Variants in AFF4 observed in about 807,000 individuals in gnomAD.
AFF4 encodes AF4/FMR2 family member 4.
In AFF4, 13 loss-of-function variants were observed where a neutral mutation model predicts 124.8. That is an observed-to-expected ratio of 0.10 (90% CI 0.07 to 0.17). AFF4 has a LOEUF of 0.17. AFF4 is among the 10% of genes least tolerant of loss of function. The pLI is 1.00. For missense variants in AFF4, 1,092 were observed against 1,403.8 expected (o/e 0.78, Z 3.55); for synonymous variants, 477 against 496.1 (o/e 0.96, Z 0.51).
chr5:132,939,954 T>C (rs1242710513), intron 1 of AFF4, among the ~76,000 whole-genome samples: 2 of 152,056 alleles, frequency 1.3e-5, no homozygotes, highest in African/African-American at 2.4e-5. Flanking sequence ...TCCCAGCACT[T>C]TGAGAGGCCA....
intron 1 of AFF4, among the ~76,000 whole-genome samples, chr5:132,957,035 A>AC (rs1561515248): frequency 6.7e-6 from 1 of 149,620 alleles, no homozygotes; most frequent in Non-Finnish European, 1.5e-5. Flanking sequence ...AAAAAAAAAA[A>AC]AAAAAAAAAA....
At chr5:132,899,044 G>A in intron 9 of AFF4, 60 bp downstream of exon 9, 6 of 1,440,884 alleles carry the variant, frequency 4.2e-6, no homozygotes, top group Non-Finnish European at 5.8e-6. Flanking sequence ...TTATATCCCT[G>A]CAATGTTATC....
At chr5:132,936,044 G>A (rs919597163) in intron 2 of AFF4, among the ~76,000 whole-genome samples, 3 of 151,910 alleles carry the variant, frequency 2.0e-5, no homozygotes, top group Non-Finnish European at 4.4e-5. Flanking sequence ...GAGGCGGGCG[G>A]ATCATGAGGT....
chr5:132,906,474 CTT>C (rs1297383862), intron 5 of AFF4, among the ~76,000 whole-genome samples: 1 of 152,088 alleles, frequency 6.6e-6, no homozygotes, highest in Non-Finnish European at 1.5e-5. Flanking sequence ...TTAGATGAAT[CTT>C]AAAAACATAA....
chr5:132,925,789 G>A (rs1761156881), intron 5 of AFF4, among the ~76,000 whole-genome samples: 1 of 152,220 alleles, frequency 6.6e-6, no homozygotes, highest in Admixed American at 6.5e-5. Context: ...GGTAATACAA[G>A]TGGGAATACT....
At chr5:132,908,239 T>G (rs972408613) in intron 5 of AFF4, among the ~76,000 whole-genome samples, 5 of 152,100 alleles carry the variant, frequency 3.3e-5, no homozygotes, top group African/African-American at 1.2e-4. Context: ...TTCAAAAGCA[T>G]AACAAAAATT....
In AFF4 at chr5:132,886,410, A is replaced by G; in HGVS notation, c.3006-7T>C. 1 of 1,613,202 alleles carries G rather than the reference A, an allele frequency of 6.2e-7. No homozygotes were observed. The highest frequency in any genetic ancestry group is 1.1e-5 in the South Asian group (1 of 90,980). On this transcript the variant is annotated splice_region_variant and splice_polypyrimidine_tract_variant and intron_variant, in intron 17 of 20. Coordinates refer to ENST00000265343, the MANE Select transcript of AFF4 (RefSeq NM_014423.4). ...CAAAGACTCGCATCGCAGGCTAGCC[A>G]ATGGAAAAGGGCGGCTTATTTACCA...
chr5:132,954,552 T>G (rs1459949872), intron 1 of AFF4, among the ~76,000 whole-genome samples: 1 of 146,998 alleles, frequency 6.8e-6, no homozygotes, highest in African/African-American at 2.5e-5. Flanking sequence ...TGCTCTTTTT[T>G]TTTTTTTTTT....
chr5:132,920,698 A>G (rs1761023158), intron 5 of AFF4, among the ~76,000 whole-genome samples: 1 of 152,154 alleles, frequency 6.6e-6, no homozygotes, highest in Non-Finnish European at 1.5e-5. Context: ...CCGTAAAAGA[A>G]AACACTGAAG....
chr5:132,934,113 T>G (rs753525117), intron 3 of AFF4, 34 bp downstream of exon 3: 1 of 1,577,806 alleles, frequency 6.3e-7, no homozygotes, highest in African/African-American at 1.3e-5. Flanking sequence ...CTTCACGTAG[T>G]CACAATGTTA....
In AFF4 at chr5:132,892,422, T is replaced by C. The variant is rs770331938; in HGVS notation, c.2397-18A>G. On this transcript the variant is annotated intron_variant, in intron 12 of 20. Coordinates refer to ENST00000265343, the MANE Select transcript of AFF4 (RefSeq NM_014423.4). The stretch of plus-strand genomic sequence containing the variant: ...TAGATGACCTGCCAAACCAAACGAA[T>C]GCCTTCATTTCTCCACACAGTAATA... The C allele has an allele frequency of 5.6e-6, 9 of 1,602,416 alleles. No homozygotes were observed. Among genetic ancestry groups the C allele is most frequent in the Non-Finnish European group, 7.7e-6 (9 of 1,172,612 alleles).
chr5:132,880,875 G>A lies in AFF4; in HGVS notation c.*184C>T. The stretch of plus-strand genomic sequence containing the variant: ...AAGCATTTAAATAATCTTTCACATT[G>A]GAAATATTAAAGGGCCAACTGACAT... On this transcript the variant is annotated 3_prime_UTR_variant, in exon 21 of 21. Coordinates refer to ENST00000265343, the MANE Select transcript of AFF4 (RefSeq NM_014423.4). 1.8e-6 allele frequency: 1 copy of A among 551,882 alleles called. No individual in the cohort carries two copies. The highest frequency in any genetic ancestry group is 2.9e-6 in the Non-Finnish European group (1 of 343,566). 34.2% of individuals were successfully genotyped at this position (551,882 alleles called of 1,614,324 possible).
intron 11 of AFF4, among the ~76,000 whole-genome samples, chr5:132,894,792 T>C (rs933098631): frequency 1.3e-5 from 2 of 151,806 alleles, no homozygotes; most frequent in African/African-American, 4.8e-5. Flanking sequence ...CAAGATACCA[T>C]CTCTATAAAA....
At position 132,934,685 on chromosome 5, in the gene AFF4, A is replaced by G; in HGVS notation, c.380T>C (p.Leu127Ser). 1 of 1,614,082 alleles carries G rather than the reference A, an allele frequency of 6.2e-7. No homozygotes were observed. The highest frequency in any genetic ancestry group is 1.1e-5 in the South Asian group (1 of 91,072). The change falls in exon 3 of 21, where the codon TTA becomes TCA. Residue 127 changes from leucine (L) to serine (S), a missense_variant. Physicochemically the swap from Leu to Ser is moderately radical, Grantham distance 145. This residue lies in a region of AFF4 where 188 missense variants were observed against 203.0 expected (regional missense o/e 0.93). Coordinates refer to ENST00000265343, the MANE Select transcript of AFF4 (RefSeq NM_014423.4). ...TSQSQKRSSG[L>S]QSGHSSQRTS... The stretch of plus-strand genomic sequence containing the variant: ...CCGCTGGCTACTATGTCCACTCTGT[A>G]AGCCTGAGGACCGTTTCTGAGACTG...
At position 132,876,999 on chromosome 5, in the gene AFF4, G is replaced by GA. The variant is rs1265103839; in HGVS notation, c.*4059dup. 4.0e-5 allele frequency: 8 copies of GA among 197,898 alleles called. No homozygotes were observed. Among genetic ancestry groups the GA allele is most frequent in the South Asian group, 3.8e-4 (2 of 5,216 alleles). 12.3% of individuals were successfully genotyped at this position (197,898 alleles called of 1,614,324 possible). A position where few individuals can be genotyped will look rare whatever the true frequency, so the allele number is the denominator to read the frequency against. ...CCTTAGATGTACAGTATTATTACTG[G>GA]AAAAAAAGCCTGCCTCTTCAATACA... On this transcript the variant is annotated 3_prime_UTR_variant, in exon 21 of 21. Coordinates refer to ENST00000265343, the MANE Select transcript of AFF4 (RefSeq NM_014423.4).
chr5:132,961,488 G>C (rs1209607564), intron 1 of AFF4, among the ~76,000 whole-genome samples: 4 of 152,080 alleles, frequency 2.6e-5, no homozygotes, highest in Non-Finnish European at 4.4e-5. Flanking sequence ...AAGTGCTAAA[G>C]TGCTAGGATT....
intron 1 of AFF4, chr5:132,937,725 T>G (rs1315885649): frequency 6.6e-6 from 1 of 152,260 alleles, no homozygotes; most frequent in Non-Finnish European, 1.5e-5. Context: ...TCAGCTTTGC[T>G]GTTGCTCTAG....
Position 132,875,521 on chromosome 5 carries a change from C to A in AFF4, c.*5538G>T. 5.3e-6 allele frequency: 1 copy of A among 189,244 alleles called. No homozygotes were observed. Among genetic ancestry groups the A allele is most frequent in the Non-Finnish European group, 1.1e-5 (1 of 89,746 alleles). The allele number at this position is 189,244 out of a possible 1,614,324, so 11.7% of individuals were successfully genotyped here. ...TCTTTACAAATTGAAATGTGATACC[C>A]TTGTCTCCAAATATTTTAATTGCCA... is the stretch of plus-strand genomic sequence containing the variant. On this transcript the variant is annotated 3_prime_UTR_variant, in exon 21 of 21. Transcript: ENST00000265343.
intron 5 of AFF4, among the ~76,000 whole-genome samples, chr5:132,923,721 G>A (rs1761106662): frequency 6.6e-6 from 1 of 152,092 alleles, no homozygotes; most frequent in Non-Finnish European, 1.5e-5. Flanking sequence ...GCCTAGGCAA[G>A]ACCTCAGTCT....
Sources: allele counts gnomAD v4.1 joint callset (sites outside exome capture counted in the v4.1 genomes callset), GRCh38; gene constraint gnomAD v4.1.1; regional missense constraint gnomAD v4.1.1; transcripts MANE v1.5; gene names NCBI Gene and HGNC (gene_info 2026-07-23, HGNC 2026-07-21).